The following RGS6 variants were observed in gnomAD, a reference collection of about 807,000 sequenced individuals.
RGS6 encodes the protein regulator of G-protein signaling 6.
In RGS6, 30 loss-of-function variants were observed where a neutral mutation model predicts 78.5. The observed-to-expected ratio is 0.38, with a 90% confidence interval of 0.29 to 0.52. The LOEUF (loss-of-function observed/expected upper bound fraction) is 0.52. RGS6 is among the 20% of genes least tolerant of loss of function. The pLI, the probability that RGS6 is intolerant of heterozygous loss-of-function variation, is 0.85. For synonymous variants in RGS6, 206 were observed against 206.0 expected, an observed-to-expected ratio of 1.00 and a Z score of 0.00; for missense variants, 495 against 609.7, an observed-to-expected ratio of 0.81 and a Z score of 1.98.
At chr14:71,999,662 G>A (rs144749896) in intron 2 of RGS6, among the ~76,000 whole-genome samples, 60 of 100,642 alleles carry the variant, frequency 6.0e-4, no homozygotes, top group African/African-American at 1.7e-3. Flanking sequence ...TGCTATCCCC[G>A]CAATAGAGTT....
In RGS6 at chr14:72,352,061, GAA is replaced by G. The variant is rs775321504; in HGVS notation, c.85-31_85-30del. ...TACCATTTATAATTACATTATGGGA[GAA>G]AATAACACTTCTTTTCTTTAACCTC... On this transcript the variant is annotated intron_variant, in intron 2 of 17. Coordinates refer to ENST00000553525, the MANE Select transcript of RGS6 (RefSeq NM_001204424.2). The G allele has an allele frequency of 3.3e-6, 5 of 1,514,544 alleles. No individual in the cohort carries two copies. The Admixed American group carries it at 8.8e-5, about 27-fold the overall frequency. The allele number at this position is 1,514,544 out of a possible 1,614,324, so 93.8% of individuals were successfully genotyped here.
intron 10 of RGS6, 128 bp downstream of exon 10, chr14:72,474,827 C>A: frequency 2.5e-6 from 2 of 793,958 alleles, no homozygotes; most frequent in Non-Finnish European, 4.0e-6. Context: ...AACCATTTCA[C>A]AAATATTGAT....
At chr14:72,149,946 C>T (rs1351325469) in intron 2 of RGS6, among the ~76,000 whole-genome samples, 2 of 152,094 alleles carry the variant, frequency 1.3e-5, no homozygotes, top group Non-Finnish European at 2.9e-5. Context: ...TCTTTTTGAT[C>T]CTGGCTGTGG....
At chr14:71,991,099 G>C (rs1441275040) in intron 2 of RGS6, among the ~76,000 whole-genome samples, 1 of 152,212 alleles carries the variant, frequency 6.6e-6, no homozygotes, top group Non-Finnish European at 1.5e-5. Context: ...ATAAATAAAT[G>C]TGAAGGACAA....
At chr14:72,379,166 A>G (rs549093194) in intron 3 of RGS6, among the ~76,000 whole-genome samples, 2 of 152,286 alleles carry the variant, frequency 1.3e-5, no homozygotes, top group African/African-American at 4.8e-5. Flanking sequence ...TTAAGATGGT[A>G]TAGAAGGAAA....
At chr14:72,233,771 A>G (rs2050269965) in intron 2 of RGS6, among the ~76,000 whole-genome samples, 1 of 152,192 alleles carries the variant, frequency 6.6e-6, no homozygotes, top group Non-Finnish European at 1.5e-5. Context: ...GCCAGACCGG[A>G]CGCTAGAGGC....
intron 2 of RGS6, among the ~76,000 whole-genome samples, chr14:72,210,848 A>C (rs1292511761): frequency 6.6e-6 from 1 of 151,976 alleles, no homozygotes; most frequent in African/African-American, 2.4e-5. Context: ...AAACCATCAT[A>C]TAAAGAGACA....
chr14:72,083,637 G>T (rs1297967550), intron 2 of RGS6, among the ~76,000 whole-genome samples: 2 of 152,152 alleles, frequency 1.3e-5, no homozygotes, highest in African/African-American at 4.8e-5. Flanking sequence ...GCTCGGATTT[G>T]TGGGTTTTAG....
chr14:72,522,594 A>T (rs2097060838), intron 15 of RGS6, among the ~76,000 whole-genome samples: 2 of 152,268 alleles, frequency 1.3e-5, no homozygotes, highest in South Asian at 4.1e-4. Flanking sequence ...ATAGCAATGT[A>T]AACAACATAA....
chr14:72,386,750 AT>A (rs1195152248), intron 3 of RGS6, among the ~76,000 whole-genome samples: 1 of 152,216 alleles, frequency 6.6e-6, no homozygotes, highest in Non-Finnish European at 1.5e-5. Flanking sequence ...TTACATTCCT[AT>A]AAATAAAAAG....
intron 2 of RGS6, among the ~76,000 whole-genome samples, chr14:72,280,322 A>G (rs78426241): frequency 6.6e-6 from 1 of 152,218 alleles, no homozygotes; most frequent in African/African-American, 2.4e-5. Flanking sequence ...GGCTTGTTTT[A>G]GAATTAAAAC....
chr14:72,552,441 GGC>G (rs1358990153), intron 17 of RGS6: 1 of 152,236 alleles, frequency 6.6e-6, no homozygotes, highest in Admixed American at 6.5e-5. Context: ...GTGGGGATCT[GGC>G]ATTTGGCCGC....
At chr14:72,250,761 C>T (rs903682156) in intron 2 of RGS6, among the ~76,000 whole-genome samples, 3 of 152,120 alleles carry the variant, frequency 2.0e-5, no homozygotes, top group Admixed American at 2.0e-4. Context: ...TGGTCAAATA[C>T]GTGAGCAGAT....
chr14:72,519,621 G>A (rs937106753), intron 15 of RGS6, among the ~76,000 whole-genome samples: 3 of 152,240 alleles, frequency 2.0e-5, no homozygotes, highest in East Asian at 3.9e-4. Context: ...CCCTGGTCAC[G>A]AGCTCCATCA....
chr14:72,031,545 T>C (rs1567057747), intron 2 of RGS6, among the ~76,000 whole-genome samples: 1 of 152,210 alleles, frequency 6.6e-6, no homozygotes, highest in Non-Finnish European at 1.5e-5. Context: ...ACATGGATAA[T>C]GTAGATCAAC....
chr14:72,340,609 G>A lies in RGS6; in HGVS notation c.85-11486G>A, dbSNP rs367579593. ...AGACAAAGTGAAGGGAGAGGGGAGG[G>A]TCTGGTGATGACAGCCTCAGATGCA... On this transcript the variant is annotated intron_variant, in intron 2 of 17. Coordinates refer to ENST00000553525, the MANE Select transcript of RGS6 (RefSeq NM_001204424.2). 5.3e-5 allele frequency among the ~76,000 whole-genome samples: 8 copies of A among 152,250 alleles called. No homozygotes were observed. The South Asian group carries it at 1.7e-3, about 32-fold the overall frequency.
intron 2 of RGS6, among the ~76,000 whole-genome samples, chr14:72,219,129 C>A (rs894791723): frequency 6.6e-6 from 1 of 151,828 alleles, no homozygotes; most frequent in African/African-American, 2.4e-5. Context: ...AAATTGACCA[C>A]CAAAAGGATA....
At chr14:72,141,223 A>G (rs111699381) in intron 2 of RGS6, among the ~76,000 whole-genome samples, 15 of 152,214 alleles carry the variant, frequency 9.9e-5, no homozygotes, top group Non-Finnish European at 1.5e-4. Flanking sequence ...CAGGGAGGGA[A>G]TAACATCCAG....
In RGS6 at chr14:72,541,413, C is replaced by T. The variant is rs540372003; in HGVS notation, c.1422+1319C>T. 1.1e-5 allele frequency: 17 copies of T among 1,509,586 alleles called. No homozygotes were observed. The African/African-American group carries it at 2.1e-4, about 18-fold the overall frequency. 93.5% of individuals were successfully genotyped at this position (1,509,586 alleles called of 1,614,324 possible). On this transcript the variant is annotated intron_variant, in intron 17 of 17. Transcript: ENST00000553525. ...GTGGCAATTAATTAAACATCGGTAT[C>T]CATCCCTTCCCTTCCTCGGTCTTCC...
Sources: gnomAD v4.1 joint callset for allele counts (sites outside exome capture counted in the v4.1 genomes callset) on GRCh38, gnomAD v4.1.1 for gene constraint, MANE v1.5 for transcripts, NCBI Gene and HGNC (gene_info 2026-07-23, HGNC 2026-07-21) for gene names.